GPAT3: variants seen among roughly 807,000 people sequenced by gnomAD.
GPAT3 encodes the protein glycerol-3-phosphate acyltransferase 3.
In GPAT3, 53 loss-of-function variants were observed where a neutral mutation model predicts 58.8. The observed-to-expected ratio is 0.90, with a 90% CI of 0.72 to 1.13. The LOEUF is 1.13. GPAT3 is among the 50% of genes most tolerant of loss of function. GPAT3 has a pLI of 0.00. For synonymous variants in GPAT3, 197 were observed against 187.4 expected (o/e 1.05, Z -0.42); for missense variants, 511 against 527.6 (o/e 0.97, Z 0.31).
intron 2 of GPAT3, 61 bp downstream of exon 2, chr4:83,544,663 C>A: frequency 1.4e-6 from 2 of 1,476,474 alleles, no homozygotes; most frequent in Non-Finnish European, 1.9e-6. Flanking sequence ...GTAAACCTAC[C>A]CAATTTGAAC....
intron 2 of GPAT3, among the ~76,000 whole-genome samples, chr4:83,571,337 G>C (rs1398689077): frequency 6.6e-6 from 1 of 152,224 alleles, no homozygotes; most frequent in Admixed American, 6.5e-5. Context: ...AACTTTATTA[G>C]AAACTGCTAC....
chr4:83,595,027 C>A, intron 7 of GPAT3, 67 bp downstream of exon 7: 3 of 1,368,856 alleles, frequency 2.2e-6, no homozygotes, highest in Non-Finnish European at 3.1e-6. Context: ...GGCCTTGCTA[C>A]CAAAGAGGGC....
intron 2 of GPAT3, among the ~76,000 whole-genome samples, chr4:83,574,880 T>TC (rs1205288229): frequency 1.5e-5 from 2 of 137,018 alleles, no homozygotes; most frequent in Non-Finnish European, 1.6e-5. Context: ...TTTTTTTTTT[T>TC]TGTTTTTTTT....
At chr4:83,566,440 A>ATTT (rs780883502) in intron 2 of GPAT3, among the ~76,000 whole-genome samples, 16 of 147,740 alleles carry the variant, frequency 1.1e-4, no homozygotes, top group Non-Finnish European at 1.8e-4. Context: ...TATTATTATT[A>ATTT]TTATTATTTT....
At chr4:83,540,857 T>C (rs28505493) in intron 1 of GPAT3, among the ~76,000 whole-genome samples, 51,549 of 151,512 alleles carry the variant, frequency 0.34, 9,734 homozygotes, top group Middle Eastern at 0.5. Flanking sequence ...GCCTGGCTAA[T>C]TTTTGTATTT....
At chr4:83,561,428 G>C (rs1468795274) in intron 2 of GPAT3, among the ~76,000 whole-genome samples, 2 of 151,932 alleles carry the variant, frequency 1.3e-5, no homozygotes, top group Admixed American at 1.3e-4. Flanking sequence ...GTATCTGTCA[G>C]TGTATCATTC....
intron 2 of GPAT3, among the ~76,000 whole-genome samples, chr4:83,562,172 T>TTA (rs1725148163): frequency 1.1e-3 from 61 of 55,424 alleles, no homozygotes; most frequent in African/African-American, 6.2e-3. Context: ...TCTAGTTATT[T>TTA]TATATATTAT....
intron 2 of GPAT3, among the ~76,000 whole-genome samples, chr4:83,545,709 A>G (rs1724481880): frequency 6.6e-6 from 1 of 152,124 alleles, no homozygotes; most frequent in Non-Finnish European, 1.5e-5. Flanking sequence ...TTCTGGCTAT[A>G]TTTTATCCTT....
At chr4:83,557,359 T>C (rs12331130) in intron 2 of GPAT3, among the ~76,000 whole-genome samples, 24,665 of 152,164 alleles carry the variant, frequency 0.16, 2,279 homozygotes, top group East Asian at 0.31. Context: ...ATCCATTCTG[T>C]CTGTTCCCTT....
chr4:83,590,481 C>T (rs1251196779), intron 6 of GPAT3, among the ~76,000 whole-genome samples, 189 bp downstream of exon 6: 1 of 152,154 alleles, frequency 6.6e-6, no homozygotes, highest in Non-Finnish European at 1.5e-5. Flanking sequence ...AGGAAAATAG[C>T]CATGATATTT....
At chr4:83,596,719 A>G (rs1402893617) in intron 7 of GPAT3, 139 bp from the exon 8 acceptor site, 1 of 671,298 alleles carries the variant, frequency 1.5e-6, no homozygotes, top group African/African-American at 1.9e-5. Flanking sequence ...AACAACTCAA[A>G]TTTATTTCTT....
chr4:83,544,273 A>T (rs1398918355), intron 1 of GPAT3, among the ~76,000 whole-genome samples: 1 of 152,188 alleles, frequency 6.6e-6, no homozygotes, highest in Non-Finnish European at 1.5e-5. Context: ...GGAGTAATTT[A>T]TCAGGTCACC....
chr4:83,565,860 A>G (rs1183728323), intron 2 of GPAT3, among the ~76,000 whole-genome samples: 2 of 152,164 alleles, frequency 1.3e-5, no homozygotes, highest in African/African-American at 4.8e-5. Flanking sequence ...CTTAGGGCAA[A>G]TGGGAGGGGT....
intron 2 of GPAT3, among the ~76,000 whole-genome samples, chr4:83,551,863 C>A (rs1295608886): frequency 7.3e-6 from 1 of 136,134 alleles, no homozygotes; most frequent in Non-Finnish European, 1.5e-5. Context: ...GCAAATATGA[C>A]AATGAGTATT....
chr4:83,572,231 A>G lies in GPAT3; in HGVS notation c.209-9331A>G, dbSNP rs1334591714. Reference sequence around the variant, plus strand: ...CAACCCTTTTCTCTCCCTTTCCCTTATAACTTAGTATCTTGTCTGGTGCCT... The same window carrying G: ...CAACCCTTTTCTCTCCCTTTCCCTTGTAACTTAGTATCTTGTCTGGTGCCT... On this transcript the variant is annotated intron_variant, in intron 2 of 11. Coordinates refer to ENST00000264409, the MANE Select transcript of GPAT3 (RefSeq NM_032717.5). Among the ~76,000 whole-genome samples the G allele has an allele frequency of 2.0e-5, 3 of 152,256 alleles. No homozygotes were observed. In the East Asian group the frequency reaches 5.8e-4, roughly 29 times the overall value.
chr4:83,583,217 C>T (rs1479594894), intron 3 of GPAT3, among the ~76,000 whole-genome samples: 1 of 152,018 alleles, frequency 6.6e-6, no homozygotes, highest in Non-Finnish European at 1.5e-5. Flanking sequence ...TCGCTTGAAC[C>T]TGGGAGGCAG....
intron 2 of GPAT3, among the ~76,000 whole-genome samples, chr4:83,562,199 A>AATATATATATATTATAT (rs1248912850): frequency 5.5e-5 from 2 of 36,046 alleles, no homozygotes; most frequent in African/African-American, 1.7e-4. Context: ...ATATATATAT[A>AATATATATATATTATAT]ATATATATAT....
intron 2 of GPAT3, among the ~76,000 whole-genome samples, chr4:83,579,498 C>T (rs1328626127): frequency 5.3e-5 from 8 of 151,700 alleles, no homozygotes; most frequent in South Asian, 2.1e-4. Context: ...CACCATGTTG[C>T]CCAGGTAGGT....
intron 1 of GPAT3, among the ~76,000 whole-genome samples, chr4:83,542,004 A>G (rs1481707840): frequency 1.3e-5 from 2 of 152,156 alleles, no homozygotes; most frequent in Non-Finnish European, 2.9e-5. Flanking sequence ...GTCACTCTTT[A>G]AAGACCCTAT....
Sources: gnomAD v4.1 joint callset for allele counts (sites outside exome capture counted in the v4.1 genomes callset) on GRCh38, gnomAD v4.1.1 for gene constraint, MANE v1.5 for transcripts, NCBI Gene and HGNC (gene_info 2026-07-23, HGNC 2026-07-21) for gene names.